Variants in ITPR2 observed in about 807,000 individuals in gnomAD.
ITPR2 encodes the protein inositol 1,4,5-trisphosphate-gated calcium channel ITPR2.
A neutral mutation model predicts 317.1 loss-of-function variants in ITPR2; 207 were observed. The ratio of observed to expected loss-of-function variants is 0.65; its 90% CI spans 0.58 to 0.73. The LOEUF is 0.73. ITPR2 is among the 30% of genes least tolerant of loss of function. The pLI, the probability that ITPR2 is intolerant of heterozygous loss-of-function variation, is 0.00. For synonymous variants in ITPR2, 1,156 were observed against 1,149.1 expected (o/e 1.01, Z -0.12); for missense variants, 2,613 against 3,284.0 (o/e 0.80, Z 4.99).
At chr12:26,621,407 CTT>C (rs1250039441) in intron 25 of ITPR2, 111 bp from the exon 26 acceptor site, 3 of 644,382 alleles carry the variant, frequency 4.7e-6, no homozygotes, top group Non-Finnish European at 7.3e-6. Flanking sequence ...AGTGTGAACA[CTT>C]AACCAGTATT....
chr12:26,808,722 G>A (rs1950680056), intron 1 of ITPR2, among the ~76,000 whole-genome samples: 1 of 152,048 alleles, frequency 6.6e-6, no homozygotes, highest in Non-Finnish European at 1.5e-5. Context: ...GACTCTTAAA[G>A]GCACCTATGA....
chr12:26,736,133 C>A (rs1949114921), intron 2 of ITPR2, among the ~76,000 whole-genome samples: 1 of 152,076 alleles, frequency 6.6e-6, no homozygotes, highest in Non-Finnish European at 1.5e-5. Flanking sequence ...AAGGGTTTTA[C>A]CATCTTTTTT....
intron 10 of ITPR2, among the ~76,000 whole-genome samples, chr12:26,693,940 A>G (rs1191055301): frequency 1.3e-5 from 2 of 152,144 alleles, no homozygotes; most frequent in African/African-American, 4.8e-5. Flanking sequence ...TCATCCCATT[A>G]CACAGGTGGG....
chr12:26,671,134 T>A (rs561446375), intron 13 of ITPR2, among the ~76,000 whole-genome samples: 2 of 152,132 alleles, frequency 1.3e-5, no homozygotes, highest in Admixed American at 6.5e-5. Context: ...TGCAGGATAT[T>A]ATCCAGGAGA....
rs1369409851 is a variant in ITPR2, at chr12:26,338,936, CT to C, written c.*460del. ...ACTTTTAATCTTTTCAGTTATTTTC[CT>C]TAGTAAAACTTAGCCACCAAAGTAT... On this transcript the variant is annotated 3_prime_UTR_variant, in exon 57 of 57. Transcript: ENST00000381340. 2.0e-5 allele frequency: 3 copies of C among 152,876 alleles called. No individual in the cohort carries two copies. The highest frequency in any genetic ancestry group is 4.4e-5 in the Non-Finnish European group (3 of 68,560). The allele number at this position is 152,876 out of a possible 1,614,324, so 9.5% of individuals were successfully genotyped here. A position where few individuals can be genotyped will look rare whatever the true frequency, so the allele number is the denominator to read the frequency against.
At chr12:26,500,416 A>G (rs1943044087) in intron 37 of ITPR2, among the ~76,000 whole-genome samples, 1 of 152,204 alleles carries the variant, frequency 6.6e-6, no homozygotes, top group Non-Finnish European at 1.5e-5. Context: ...TTCAAATCCA[A>G]AATGCATTCC....
At chr12:26,368,036 A>G (rs1438360657) in intron 55 of ITPR2, among the ~76,000 whole-genome samples, 1 of 150,780 alleles carries the variant, frequency 6.6e-6, no homozygotes, top group Non-Finnish European at 1.5e-5. Context: ...ATGTTCTGCA[A>G]AGTAGTTTAT....
At chr12:26,475,246 A>G in intron 45 of ITPR2, 50 bp downstream of exon 45, 2 of 1,604,730 alleles carry the variant, frequency 1.2e-6, no homozygotes, top group Non-Finnish European at 1.7e-6. Flanking sequence ...TGGATACAAA[A>G]CACGATTGAT....
At chr12:26,577,679 A>C (rs1051394261) in intron 34 of ITPR2, among the ~76,000 whole-genome samples, 1 of 152,212 alleles carries the variant, frequency 6.6e-6, no homozygotes, top group Non-Finnish European at 1.5e-5. Context: ...CTTGGGTTAT[A>C]ACTGCCTTTC....
At chr12:26,486,934 C>A (rs1942683597) in intron 40 of ITPR2, 134 bp downstream of exon 40, 12 of 946,332 alleles carry the variant, frequency 1.3e-5, no homozygotes, top group Middle Eastern at 2.1e-4. Flanking sequence ...GACCAAAATT[C>A]TTTATGGATG....
At chr12:26,518,029 C>T (rs1943571409) in intron 37 of ITPR2, among the ~76,000 whole-genome samples, 1 of 152,030 alleles carries the variant, frequency 6.6e-6, no homozygotes, top group African/African-American at 2.4e-5. Context: ...GGTATATGCC[C>T]AAAGGAATAT....
At chr12:26,685,082 T>C (rs1209778880) in intron 11 of ITPR2, among the ~76,000 whole-genome samples, 1 of 152,196 alleles carries the variant, frequency 6.6e-6, no homozygotes, top group African/African-American at 2.4e-5. Context: ...TTACCCTCCC[T>C]GGAGGAAACC....
At chr12:26,607,465 T>C (rs1946160691) in intron 26 of ITPR2, among the ~76,000 whole-genome samples, 1 of 152,136 alleles carries the variant, frequency 6.6e-6, no homozygotes, top group African/African-American at 2.4e-5. Flanking sequence ...CTCCCTCCCA[T>C]CTAATGATAA....
At chr12:26,671,353 A>C (rs946158915) in intron 13 of ITPR2, among the ~76,000 whole-genome samples, 3 of 152,150 alleles carry the variant, frequency 2.0e-5, no homozygotes, top group African/African-American at 7.2e-5. Flanking sequence ...CAGATCTCTC[A>C]GCAGAAACTC....
intron 2 of ITPR2, among the ~76,000 whole-genome samples, chr12:26,784,331 C>CCCTCTGCCTCTG (rs1950161357): frequency 2.3e-5 from 1 of 42,892 alleles, no homozygotes. Context: ...CTCTCCCTCT[C>CCCTCTGCCTCTG]CCTCTCCCTC....
intron 37 of ITPR2, among the ~76,000 whole-genome samples, chr12:26,499,817 C>T (rs879776612): frequency 5.9e-5 from 9 of 152,094 alleles, no homozygotes; most frequent in Non-Finnish European, 1.2e-4. Flanking sequence ...TTAATCAGTC[C>T]TTAGAATTAT....
At chr12:26,481,313 A>G (rs1942540923) in intron 42 of ITPR2, 72 bp from the exon 43 acceptor site, 1 of 852,394 alleles carries the variant, frequency 1.2e-6, no homozygotes, top group Non-Finnish European at 1.9e-6. Context: ...CAGGATATAA[A>G]ACAACATAAT....
At chr12:26,555,347 T>C (rs1944633578) in intron 36 of ITPR2, among the ~76,000 whole-genome samples, 1 of 152,160 alleles carries the variant, frequency 6.6e-6, no homozygotes, top group Non-Finnish European at 1.5e-5. Context: ...GGATGAGTCA[T>C]GGTCAAGGGG....
At chr12:26,756,184 T>C (rs1949516564) in intron 2 of ITPR2, among the ~76,000 whole-genome samples, 1 of 152,252 alleles carries the variant, frequency 6.6e-6, no homozygotes, top group South Asian at 2.1e-4. Context: ...AGAAAAATTA[T>C]ATTTCAAGAA....
Sources: gnomAD v4.1 joint callset for allele counts (sites outside exome capture counted in the v4.1 genomes callset) on GRCh38, gnomAD v4.1.1 for gene constraint, MANE v1.5 for transcripts, NCBI Gene and HGNC (gene_info 2026-07-23, HGNC 2026-07-21) for gene names.